The following CCSER2 variants were observed in gnomAD, a reference collection of about 807,000 sequenced individuals.
CCSER2 encodes serine-rich coiled-coil domain-containing protein 2.
CCSER2 carries 46 observed loss-of-function variants against 92.3 expected under a neutral mutation model. That is an observed-to-expected ratio of 0.50 (90% confidence interval 0.39 to 0.64). The LOEUF is 0.64. Ranked by LOEUF, CCSER2 falls within the 30% of genes least tolerant of loss-of-function variation. CCSER2 has a pLI of 0.00. For missense variants in CCSER2, 1,244 were observed against 1,238.9 expected, an observed-to-expected ratio of 1.00 and a Z score of -0.06; for synonymous variants, 433 against 431.4, an observed-to-expected ratio of 1.00 and a Z score of -0.04.
rs536637736 is a variant in CCSER2, at chr10:84,479,526, G to A, written c.2325+1862G>A. On this transcript the variant is annotated intron_variant, in intron 9 of 9. Coordinates refer to ENST00000372088, the MANE Select transcript of CCSER2 (RefSeq NM_001284240.2). ...ACAGGAAATAAGAGGAAGAAATATA[G>A]TAGTAGAAAAGGGGAAAGGAGGAAA... Among the ~76,000 whole-genome samples the A allele has an allele frequency of 3.3e-5, 5 of 152,286 alleles. No homozygotes were observed. In the East Asian group the frequency reaches 5.8e-4, roughly 18 times the overall value.
intron 1 of CCSER2, among the ~76,000 whole-genome samples, chr10:84,344,608 C>T (rs563498528): frequency 1.8e-4 from 27 of 152,112 alleles, no homozygotes; most frequent in African/African-American, 6.5e-4. Context: ...GAGGATTTTC[C>T]CTAGGGAAGG....
At chr10:84,366,713 A>G (rs1012064607) in intron 1 of CCSER2, among the ~76,000 whole-genome samples, 1 of 152,228 alleles carries the variant, frequency 6.6e-6, no homozygotes, top group Non-Finnish European at 1.5e-5. Flanking sequence ...AGGATAAGGT[A>G]GAATCAAATA....
At chr10:84,331,177 A>G (rs1459242455) in intron 1 of CCSER2, among the ~76,000 whole-genome samples, 3 of 152,202 alleles carry the variant, frequency 2.0e-5, no homozygotes, top group Non-Finnish European at 4.4e-5. Context: ...GCTTAGGCTC[A>G]CCTACATCTC....
chr10:84,370,993 A>T (rs1183663100), intron 1 of CCSER2, 21 bp from the exon 2 acceptor site: 3 of 1,047,918 alleles, frequency 2.9e-6, no homozygotes, highest in South Asian at 3.6e-5. Flanking sequence ...TGTTTAATGT[A>T]CTTCTTTTTT....
chr10:84,411,515 T>C (rs1190242994), intron 3 of CCSER2, among the ~76,000 whole-genome samples: 1 of 152,190 alleles, frequency 6.6e-6, no homozygotes, highest in Non-Finnish European at 1.5e-5. Context: ...GAAGAGGTTC[T>C]TTACTTCCAT....
intron 6 of CCSER2, among the ~76,000 whole-genome samples, chr10:84,458,594 T>C (rs188860989): frequency 1.3e-5 from 2 of 152,308 alleles, no homozygotes. Context: ...ATAGGGAGAA[T>C]ACTGAATCTC....
rs551212997 is a variant in CCSER2, at chr10:84,479,110, C to T, written c.2325+1446C>T. Among the ~76,000 whole-genome samples the T allele has an allele frequency of 1.7e-4, 26 of 152,192 alleles. No homozygotes were observed. In the South Asian group the frequency reaches 2.1e-3, roughly 12 times the overall value. On this transcript the variant is annotated intron_variant, in intron 9 of 9. Transcript: ENST00000372088. ...CCTCATGGAAGTCTTTATACCACCT[C>T]TGGCTCCTTCAGCCTCACTGTTCTG...
intron 9 of CCSER2, among the ~76,000 whole-genome samples, chr10:84,493,315 C>A (rs1414728579): frequency 1.3e-5 from 2 of 152,068 alleles, no homozygotes; most frequent in East Asian, 3.9e-4. Flanking sequence ...TTATTTCATT[C>A]TGATTTTGGT....
Position 84,499,937 on chromosome 10 carries a change from T to A in CCSER2, c.2326-13512T>A, listed in dbSNP as rs768044082. On this transcript the variant is annotated intron_variant, in intron 9 of 9. Coordinates refer to ENST00000372088, the MANE Select transcript of CCSER2 (RefSeq NM_001284240.2). ...GCTCCTTCCAGGGGATCCCACGGAC[T>A]GTTCCACCGCACCGCAGACAGAGTG... 2.7e-5 allele frequency: 43 copies of A among 1,613,860 alleles called. No homozygotes were observed. The South Asian group carries it at 4.6e-4, about 17-fold the overall frequency.
intron 6 of CCSER2, among the ~76,000 whole-genome samples, chr10:84,453,627 T>A (rs1211894040): frequency 1.3e-5 from 2 of 152,236 alleles, no homozygotes; most frequent in African/African-American, 4.8e-5. Flanking sequence ...TATATCTTGC[T>A]TATCCTTACT....
intron 1 of CCSER2, among the ~76,000 whole-genome samples, chr10:84,360,919 G>A (rs900144129): frequency 3.3e-5 from 5 of 152,060 alleles, no homozygotes; most frequent in Non-Finnish European, 7.4e-5. Flanking sequence ...TCACATAAAT[G>A]GATCAACTGA....
intron 3 of CCSER2, among the ~76,000 whole-genome samples, chr10:84,404,973 C>T (rs1842305617): frequency 6.6e-6 from 1 of 152,134 alleles, no homozygotes; most frequent in African/African-American, 2.4e-5. Context: ...AGACATCACT[C>T]CATCCCAAAG....
At chr10:84,392,316 CAAAAAAAAAAAA>C (rs71473611) in intron 3 of CCSER2, among the ~76,000 whole-genome samples, 4 of 53,852 alleles carry the variant, frequency 7.4e-5, no homozygotes, top group African/African-American at 2.9e-4. Context: ...TCTGAAGAAG[CAAAAAAAAAAAA>C]AAAAAAAAAA....
chr10:84,411,544 G>A (rs1842649913), intron 3 of CCSER2, among the ~76,000 whole-genome samples: 1 of 151,774 alleles, frequency 6.6e-6, no homozygotes, highest in Non-Finnish European at 1.5e-5. Flanking sequence ...GTGTTAATAC[G>A]TACGTATTCT....
intron 8 of CCSER2, among the ~76,000 whole-genome samples, chr10:84,476,685 C>T (rs913883783): frequency 3.9e-5 from 6 of 151,930 alleles, no homozygotes; most frequent in South Asian, 2.1e-4. Flanking sequence ...CCTCGTGATC[C>T]GCCCGCCTCG....
intron 4 of CCSER2, among the ~76,000 whole-genome samples, chr10:84,420,425 T>C (rs777257430): frequency 1.1e-4 from 16 of 152,328 alleles, no homozygotes; most frequent in Non-Finnish European, 2.1e-4. Flanking sequence ...TAAAATAGTA[T>C]CTAGGTTTGG....
At chr10:84,452,874 CT>C (rs1845380786) in intron 6 of CCSER2, among the ~76,000 whole-genome samples, 1 of 152,020 alleles carries the variant, frequency 6.6e-6, no homozygotes, top group African/African-American at 2.4e-5. Flanking sequence ...GGCCTGGGCA[CT>C]TTCCTTTTAG....
chr10:84,503,620 G>A (rs1401393056), intron 9 of CCSER2, among the ~76,000 whole-genome samples: 1 of 152,096 alleles, frequency 6.6e-6, no homozygotes, highest in Non-Finnish European at 1.5e-5. Context: ...GTACTTACAG[G>A]AATACTTGAC....
At chr10:84,353,888 C>CA (rs1017831617) in intron 1 of CCSER2, among the ~76,000 whole-genome samples, 1 of 94,528 alleles carries the variant, frequency 1.1e-5, no homozygotes, top group Non-Finnish European at 2.9e-5. Context: ...AAAATAAAAA[C>CA]AAAAAAACAA....
Sources: allele counts gnomAD v4.1 joint callset (sites outside exome capture counted in the v4.1 genomes callset), GRCh38; gene constraint gnomAD v4.1.1; transcripts MANE v1.5; gene names NCBI Gene and HGNC (gene_info 2026-07-23, HGNC 2026-07-21).